Variants in TTLL5 observed in about 807,000 individuals in gnomAD.
TTLL5 encodes tubulin polyglutamylase TTLL5.
Under a neutral mutation model 168.4 loss-of-function variants are expected in TTLL5, and 132 were observed. The observed-to-expected ratio is 0.78, with a 90% CI of 0.68 to 0.91. TTLL5 has a LOEUF of 0.91. Ranked by LOEUF, TTLL5 falls within the 40% of genes least tolerant of loss-of-function variation. The pLI is 0.00. For missense variants in TTLL5, 1,545 were observed against 1,581.5 expected, an observed-to-expected ratio of 0.98 and a Z score of 0.39; for synonymous variants, 546 against 558.6, an observed-to-expected ratio of 0.98 and a Z score of 0.32.
rs1465162669 is a variant in TTLL5 at position 75,783,270 on chromosome 14, C to A, written c.2726C>A (p.Ser909Tyr). 1.2e-6 allele frequency: 2 copies of A among 1,614,216 alleles called. No homozygotes were observed. The highest frequency in any genetic ancestry group is 3.3e-5 in the Admixed American group (2 of 60,032). The change falls in exon 26 of 32, where the codon TCT becomes TAT. Residue 909 changes from serine (S) to tyrosine (Y), a missense_variant. Coordinates refer to ENST00000298832, the MANE Select transcript of TTLL5 (RefSeq NM_015072.5). ...HLSSVTTSDL[S>Y]PGPCHHSSLS... ...TCATCTGTTACAACCTCTGACCTCT[C>A]TCCAGGGCCTTGCCACCATTCTTCT...
At chr14:75,783,621 T>A (rs1455959388) in intron 26 of TTLL5, 91 bp downstream of exon 26, 9 of 1,505,834 alleles carry the variant, frequency 6.0e-6, no homozygotes, top group South Asian at 4.0e-5. Context: ...TGCCTTTTTT[T>A]AAATTTTGAA....
At chr14:75,894,993 G>T (rs1051897789) in intron 30 of TTLL5, among the ~76,000 whole-genome samples, 1 of 152,138 alleles carries the variant, frequency 6.6e-6, no homozygotes, top group Admixed American at 6.5e-5. Context: ...ATATACTTCT[G>T]TCAGTAACAA....
At chr14:75,926,292 CTCTT>C (rs527677900) in intron 31 of TTLL5, among the ~76,000 whole-genome samples, 3 of 148,696 alleles carry the variant, frequency 2.0e-5, no homozygotes, top group South Asian at 4.3e-4. Context: ...TGGGTCTTGA[CTCTT>C]TATCCAATTT....
intron 31 of TTLL5, among the ~76,000 whole-genome samples, chr14:75,920,903 T>C (rs751629628): frequency 3.3e-5 from 5 of 152,256 alleles, no homozygotes; most frequent in Non-Finnish European, 7.3e-5. Context: ...CTTGACTTTT[T>C]AATGATTGCC....
At chr14:75,726,980 G>A (rs1304568395) in intron 12 of TTLL5, among the ~76,000 whole-genome samples, 3 of 152,152 alleles carry the variant, frequency 2.0e-5, no homozygotes, top group Non-Finnish European at 4.4e-5. Context: ...TAGGAACCAA[G>A]CTGACATTAG....
chr14:75,835,999 A>G (rs892716454), intron 28 of TTLL5, among the ~76,000 whole-genome samples: 4 of 152,212 alleles, frequency 2.6e-5, no homozygotes, highest in African/African-American at 9.6e-5. Flanking sequence ...TCAAAAAACT[A>G]AAAATAGAGC....
chr14:75,761,894 T>G (rs1427117798), intron 18 of TTLL5, among the ~76,000 whole-genome samples: 1 of 152,224 alleles, frequency 6.6e-6, no homozygotes, highest in African/African-American at 2.4e-5. Context: ...GATATGCATG[T>G]TGAAATGTTT....
At chr14:75,791,842 C>A (rs1371032965) in intron 26 of TTLL5, among the ~76,000 whole-genome samples, 1 of 152,056 alleles carries the variant, frequency 6.6e-6, no homozygotes, top group Non-Finnish European at 1.5e-5. Flanking sequence ...ATTATTTCTA[C>A]TTTTCTGAGT....
At chr14:75,929,514 C>T (rs954095106) in intron 31 of TTLL5, among the ~76,000 whole-genome samples, 4 of 136,232 alleles carry the variant, frequency 2.9e-5, no homozygotes, top group South Asian at 2.3e-4. Context: ...TACAGTGGCA[C>T]GATCTTGGCT....
intron 17 of TTLL5, among the ~76,000 whole-genome samples, chr14:75,751,819 A>T (rs1889972235): frequency 6.6e-6 from 1 of 152,226 alleles, no homozygotes; most frequent in Non-Finnish European, 1.5e-5. Context: ...TGGTGAGTCC[A>T]TAAGGTAAAG....
chr14:75,822,955 G>A (rs1292623638), intron 28 of TTLL5, among the ~76,000 whole-genome samples: 4 of 152,152 alleles, frequency 2.6e-5, no homozygotes, highest in African/African-American at 4.8e-5. Flanking sequence ...AGTTGGACTT[G>A]GCCAGCCATC....
chr14:75,712,198 C>T (rs1887129846), intron 9 of TTLL5: 1 of 152,016 alleles, frequency 6.6e-6, no homozygotes. Context: ...TGTTCTCTTC[C>T]ATAAGATTTT....
At chr14:75,842,364 GTGTTT>G (rs1390036483) in intron 28 of TTLL5, among the ~76,000 whole-genome samples, 3 of 152,144 alleles carry the variant, frequency 2.0e-5, no homozygotes, top group Non-Finnish European at 4.4e-5. Context: ...TACTTCAAGG[GTGTTT>G]TGTTTGGGGC....
chr14:75,674,917 TA>T (rs1256951166), intron 3 of TTLL5, among the ~76,000 whole-genome samples: 2 of 152,020 alleles, frequency 1.3e-5, no homozygotes, highest in African/African-American at 2.4e-5. Flanking sequence ...TTACTCAATA[TA>T]AAAAAACCAT....
At chr14:75,857,251 G>C (rs894186840) in intron 28 of TTLL5, among the ~76,000 whole-genome samples, 2 of 152,102 alleles carry the variant, frequency 1.3e-5, no homozygotes, top group Non-Finnish European at 2.9e-5. Context: ...ATTAATATAT[G>C]ACTTTTCTTC....
intron 23 of TTLL5, among the ~76,000 whole-genome samples, chr14:75,778,730 G>T (rs1357453876): frequency 6.6e-6 from 1 of 151,972 alleles, no homozygotes; most frequent in East Asian, 1.9e-4. Flanking sequence ...CCATTGAGAA[G>T]CTGCTACAGA....
intron 29 of TTLL5, among the ~76,000 whole-genome samples, chr14:75,879,727 G>A (rs1327927731): frequency 5.3e-5 from 8 of 152,116 alleles, no homozygotes; most frequent in Non-Finnish European, 8.8e-5. Flanking sequence ...ACATTTGACC[G>A]CAAGCCATGT....
intron 30 of TTLL5, among the ~76,000 whole-genome samples, chr14:75,885,186 T>G (rs892245650): frequency 5.0e-5 from 6 of 119,816 alleles, no homozygotes; most frequent in Non-Finnish European, 1.0e-4. Flanking sequence ...AAAAAATAAT[T>G]AATTAATTAA....
chr14:75,892,994 T>A (rs1430991834), intron 30 of TTLL5, among the ~76,000 whole-genome samples: 1 of 152,060 alleles, frequency 6.6e-6, no homozygotes, highest in Non-Finnish European at 1.5e-5. Flanking sequence ...CCATTCAAAA[T>A]AAGCCCGCAA....
Sources: allele counts gnomAD v4.1 joint callset (sites outside exome capture counted in the v4.1 genomes callset), GRCh38; gene constraint gnomAD v4.1.1; transcripts MANE v1.5; gene names NCBI Gene and HGNC (gene_info 2026-07-23, HGNC 2026-07-21).